The following HOOK3 variants were observed in gnomAD, a reference collection of about 807,000 sequenced individuals.
The protein encoded by HOOK3 is protein Hook homolog 3.
A neutral mutation model predicts 116.3 loss-of-function variants in HOOK3; 24 were observed. The ratio of observed to expected loss-of-function variants is 0.21; its 90% CI spans 0.15 to 0.29. HOOK3 has a LOEUF of 0.29. Among genes scored for constraint, HOOK3 ranks in the 10% least tolerant of loss-of-function variants. HOOK3 has a pLI of 1.00. For synonymous variants in HOOK3, 275 were observed against 283.0 expected (o/e 0.97, Z 0.28); for missense variants, 632 against 830.2 (o/e 0.76, Z 2.93).
chr8:42,993,319 A>G (rs1054525356), intron 15 of HOOK3, among the ~76,000 whole-genome samples: 3 of 152,204 alleles, frequency 2.0e-5, no homozygotes, highest in Admixed American at 6.5e-5. Flanking sequence ...GCTGGAGTGC[A>G]GTAGCTTAGT....
At chr8:43,012,017 C>A (rs1371044839) in intron 19 of HOOK3, among the ~76,000 whole-genome samples, 2 of 152,130 alleles carry the variant, frequency 1.3e-5, no homozygotes, top group African/African-American at 2.4e-5. Flanking sequence ...AGAAATGGGG[C>A]CACAGTGATA....
intron 15 of HOOK3, among the ~76,000 whole-genome samples, chr8:42,991,198 T>C (rs1387976939): frequency 6.6e-6 from 1 of 152,216 alleles, no homozygotes; most frequent in Admixed American, 6.5e-5. Context: ...TATAGCTCTG[T>C]AGTATAATTT....
rs545585486 is a variant in HOOK3 at position 43,015,741 on chromosome 8, C to T, written c.2016+2341C>T. ...ATATTACTATTATTATTTTTTGAGA[C>T]GGAGTCTCACTTTGTCACCCAGGCT... is the stretch of plus-strand genomic sequence containing the variant. On this transcript the variant is annotated intron_variant, in intron 21 of 21. Transcript: ENST00000307602. 7.9e-5 allele frequency among the ~76,000 whole-genome samples: 12 copies of T among 152,008 alleles called. No individual in the cohort carries two copies. In the East Asian group the frequency reaches 1.2e-3, roughly 15 times the overall value.
At chr8:42,906,965 G>T (rs1339713974) in intron 2 of HOOK3, among the ~76,000 whole-genome samples, 1 of 152,180 alleles carries the variant, frequency 6.6e-6, no homozygotes, top group African/African-American at 2.4e-5. Flanking sequence ...CTAAAGGAAG[G>T]AGTATTTGGG....
At chr8:42,984,786 C>G (rs1042299561) in intron 14 of HOOK3, among the ~76,000 whole-genome samples, 3 of 152,172 alleles carry the variant, frequency 2.0e-5, no homozygotes, top group Non-Finnish European at 4.4e-5. Context: ...CGCCTGTAAT[C>G]CCAGCTACTC....
rs958175539 is a variant in HOOK3, at chr8:42,897,809, C to G, written c.57+621C>G. Among the ~76,000 whole-genome samples the G allele has an allele frequency of 5.3e-5, 8 of 151,888 alleles. No homozygotes were observed. The East Asian group carries it at 1.6e-3, about 30-fold the overall frequency. ...CTTAAACGGTTTTAGATTCCTCATA[C>G]TTTGAAGTAAATACATGTTCACCTC... On this transcript the variant is annotated intron_variant, in intron 1 of 21. Coordinates refer to ENST00000307602, the MANE Select transcript of HOOK3 (RefSeq NM_032410.4).
rs562788870 is a variant in HOOK3, at chr8:42,944,682, G to A, written c.400+1237G>A. On this transcript the variant is annotated intron_variant, in intron 5 of 21. Coordinates refer to ENST00000307602, the MANE Select transcript of HOOK3 (RefSeq NM_032410.4). ...AAAAATACAAAAATTAGCCGGGCGCGGTGGTGGGCGCCTGTAATCCCAGCT... is the reference window on the plus strand; with the variant it reads ...AAAAATACAAAAATTAGCCGGGCGCAGTGGTGGGCGCCTGTAATCCCAGCT... Among the ~76,000 whole-genome samples, 7 of 151,764 alleles carry A rather than the reference G, an allele frequency of 4.6e-5. No homozygotes were observed. The East Asian group carries it at 5.9e-4, about 13-fold the overall frequency.
rs1300785941 is a variant in HOOK3 at position 43,019,942 on chromosome 8, A to C, written c.*1444A>C. On this transcript the variant is annotated 3_prime_UTR_variant, in exon 22 of 22. Coordinates refer to ENST00000307602, the MANE Select transcript of HOOK3 (RefSeq NM_032410.4). Reference sequence around the variant, plus strand: ...GAGGATGTTTTCTCATGTACTTGCTATTTGCAAGTTCAGGTTTCATTTGGT... The same window carrying C: ...GAGGATGTTTTCTCATGTACTTGCTCTTTGCAAGTTCAGGTTTCATTTGGT... 5.0e-6 allele frequency: 1 copy of C among 201,070 alleles called. No individual in the cohort carries two copies. The highest frequency in any genetic ancestry group is 2.3e-5 in the African/African-American group (1 of 43,618). The allele number at this position is 201,070 out of a possible 1,614,324, so 12.5% of individuals were successfully genotyped here.
At chr8:42,944,222 T>C (rs555646213) in intron 5 of HOOK3, among the ~76,000 whole-genome samples, 2 of 151,264 alleles carry the variant, frequency 1.3e-5, no homozygotes, top group South Asian at 2.1e-4. Flanking sequence ...GGAGACCAGC[T>C]TGACCAATAT....
intron 21 of HOOK3, among the ~76,000 whole-genome samples, chr8:43,016,125 T>G (rs565706640): frequency 9.4e-5 from 14 of 148,584 alleles, no homozygotes; most frequent in East Asian, 2.0e-4. Flanking sequence ...CTAATTTGTT[T>G]TTTTTTTTTT....
In HOOK3 at chr8:43,029,213, G is replaced by A. The variant is rs186074238; in HGVS notation, c.*10715G>A. ...TGTCACCAGGCTGGAGCAGTGGCAC[G>A]ATCTCGCCTCACTGCAACCTCCGCC... On this transcript the variant is annotated 3_prime_UTR_variant, in exon 22 of 22. Coordinates refer to ENST00000307602, the MANE Select transcript of HOOK3 (RefSeq NM_032410.4). 2.4e-5 allele frequency: 4 copies of A among 168,870 alleles called. No individual in the cohort carries two copies. The highest frequency in any genetic ancestry group is 2.0e-4 in the South Asian group (1 of 4,960). 10.5% of individuals were successfully genotyped at this position (168,870 alleles called of 1,614,324 possible).
intron 2 of HOOK3, among the ~76,000 whole-genome samples, chr8:42,921,815 T>C (rs1807662729): frequency 6.6e-6 from 1 of 152,138 alleles, no homozygotes; most frequent in Admixed American, 6.5e-5. Context: ...TATGGAGGAA[T>C]AGGAAAAGGC....
At chr8:42,981,883 C>CAAAAAAAAA (rs11348838) in intron 13 of HOOK3, among the ~76,000 whole-genome samples, 1 of 108,130 alleles carries the variant, frequency 9.2e-6, no homozygotes, top group African/African-American at 3.5e-5. Flanking sequence ...GACTCTGTCT[C>CAAAAAAAAA]AAAAAAAAAA....
At chr8:42,962,015 G>C (rs186649622) in intron 8 of HOOK3, among the ~76,000 whole-genome samples, 63 of 152,010 alleles carry the variant, frequency 4.1e-4, no homozygotes, top group Non-Finnish European at 1.3e-4. Context: ...TTAAACTCCT[G>C]AGCTCCGGTG....
At chr8:42,937,173 A>C (rs1340752618) in intron 4 of HOOK3, among the ~76,000 whole-genome samples, 1 of 151,986 alleles carries the variant, frequency 6.6e-6, no homozygotes, top group African/African-American at 2.4e-5. Context: ...GTTTATTTGC[A>C]TAGAGGTGTT....
chr8:42,939,374 G>A (rs989431629), intron 4 of HOOK3, among the ~76,000 whole-genome samples: 2 of 151,070 alleles, frequency 1.3e-5, no homozygotes. Context: ...CTCCTGGACG[G>A]GGCGGCTGGC....
chr8:42,982,449 A>T (rs1808970357), intron 13 of HOOK3, among the ~76,000 whole-genome samples, 178 bp from the exon 14 acceptor site: 1 of 151,134 alleles, frequency 6.6e-6, no homozygotes, highest in African/African-American at 2.5e-5. Context: ...TGCACACTTA[A>T]AAATGCTTAA....
chr8:42,986,889 GC>G (rs1167886061), intron 15 of HOOK3, 94 bp downstream of exon 15: 18 of 1,325,292 alleles, frequency 1.4e-5, no homozygotes, highest in Non-Finnish European at 1.8e-5. Flanking sequence ...GGGCATGGTG[GC>G]TCACGCCTGT....
intron 13 of HOOK3, among the ~76,000 whole-genome samples, chr8:42,980,608 G>A (rs1808920553): frequency 1.3e-5 from 2 of 152,056 alleles, no homozygotes; most frequent in African/African-American, 2.4e-5. Flanking sequence ...GAAAAAGAGG[G>A]CCTGGTGCAG....
Sources: allele counts gnomAD v4.1 joint callset (sites outside exome capture counted in the v4.1 genomes callset), GRCh38; gene constraint gnomAD v4.1.1; transcripts MANE v1.5; gene names NCBI Gene and HGNC (gene_info 2026-07-23, HGNC 2026-07-21).